Variants in BFSP2 observed in about 807,000 individuals in gnomAD.
BFSP2 encodes phakinin.
BFSP2 carries 38 observed loss-of-function variants against 44.9 expected under a neutral mutation model. That is an observed-to-expected ratio of 0.85 (90% confidence interval 0.65 to 1.11). The LOEUF is 1.11. BFSP2 is among the 50% of genes least tolerant of loss of function. The pLI is 0.00. For synonymous variants in BFSP2, 197 were observed against 209.9 expected, an observed-to-expected ratio of 0.94 and a Z score of 0.53; for missense variants, 525 against 533.0, an observed-to-expected ratio of 0.99 and a Z score of 0.15.
chr3:133,409,570 A>G (rs1001712111), intron 1 of BFSP2, among the ~76,000 whole-genome samples: 3 of 152,240 alleles, frequency 2.0e-5, no homozygotes, highest in African/African-American at 7.2e-5. Context: ...CTCCTTGTAG[A>G]AATGGCTGAA....
chr3:133,473,994 T>C (rs1037988901), intron 6 of BFSP2, among the ~76,000 whole-genome samples: 1 of 152,152 alleles, frequency 6.6e-6, no homozygotes, highest in Non-Finnish European at 1.5e-5. Flanking sequence ...AGCAACTCTT[T>C]AGCTTTTCCA....
At chr3:133,414,702 A>C in intron 1 of BFSP2, among the ~76,000 whole-genome samples, 2 of 100,118 alleles carry the variant, frequency 2.0e-5, no homozygotes, top group Non-Finnish European at 4.1e-5. Flanking sequence ...TCTCTGCTCT[A>C]CTCACCACTG....
chr3:133,405,255 G>A (rs1178450239), intron 1 of BFSP2, among the ~76,000 whole-genome samples: 2 of 152,202 alleles, frequency 1.3e-5, no homozygotes, highest in Non-Finnish European at 1.5e-5. Flanking sequence ...GTCTCCATGG[G>A]AGAAAACTGC....
intron 1 of BFSP2, among the ~76,000 whole-genome samples, chr3:133,416,834 C>T (rs143193981): frequency 6.1e-4 from 78 of 128,462 alleles, no homozygotes; most frequent in African/African-American, 1.3e-3. Context: ...CTCCCCTCTA[C>T]TCAGCCCTGT....
intron 1 of BFSP2, among the ~76,000 whole-genome samples, chr3:133,404,549 T>C (rs780828757): frequency 2.0e-5 from 3 of 152,216 alleles, no homozygotes; most frequent in Admixed American, 6.5e-5. Context: ...TGGTGGGGTA[T>C]GCACATGCCC....
At position 133,466,913 on chromosome 3, in the gene BFSP2, G is replaced by A; in HGVS notation, c.977G>A (p.Cys326Tyr). The A allele has an allele frequency of 6.2e-7, 1 of 1,614,066 alleles. No individual in the cohort carries two copies. Among genetic ancestry groups the A allele is most frequent in the Non-Finnish European group, 8.5e-7 (1 of 1,180,000 alleles). The stretch of plus-strand genomic sequence containing the variant: ...AGGGTGGAGTTACACAACACTTCGT[G>A]CCAAGTCCAGAGCCTCCAGGCTGAG... ...ALRVELHNTSCQVQSLQAETE... is the reference protein window; with the variant it reads ...ALRVELHNTSYQVQSLQAETE... Residue 326 changes from cysteine (C) to tyrosine (Y), a missense_variant, in exon 5 of 7, where the codon TGC (cysteine) becomes TAC (tyrosine). Cys to Tyr is a radical substitution (Grantham distance 194). Transcript: ENST00000302334.
chr3:133,472,595 A>G (rs750552309), intron 6 of BFSP2, 30 bp downstream of exon 6: 1 of 1,601,544 alleles, frequency 6.2e-7, no homozygotes, highest in South Asian at 1.1e-5. Context: ...CAATTATCCA[A>G]GAGATGCATA....
At chr3:133,406,788 T>C (rs2073408402) in intron 1 of BFSP2, among the ~76,000 whole-genome samples, 1 of 152,188 alleles carries the variant, frequency 6.6e-6, no homozygotes, top group Non-Finnish European at 1.5e-5. Flanking sequence ...AAGTACTTGG[T>C]ATAAGAATTG....
chr3:133,453,332 C>T (rs919638839), intron 4 of BFSP2, among the ~76,000 whole-genome samples: 2 of 152,192 alleles, frequency 1.3e-5, no homozygotes, highest in African/African-American at 4.8e-5. Context: ...AAAATGCAAG[C>T]ATGCATTTAA....
chr3:133,419,877 G>C (rs2073576728), intron 1 of BFSP2, among the ~76,000 whole-genome samples: 1 of 152,260 alleles, frequency 6.6e-6, no homozygotes, highest in Non-Finnish European at 1.5e-5. Flanking sequence ...GTAGAGTTCA[G>C]AGACGCCCCA....
intron 1 of BFSP2, among the ~76,000 whole-genome samples, chr3:133,443,624 T>A (rs892690874): frequency 6.6e-5 from 10 of 152,124 alleles, no homozygotes; most frequent in Non-Finnish European, 1.5e-4. Context: ...ATCACTGGGG[T>A]GCTAGGGACT....
intron 1 of BFSP2, among the ~76,000 whole-genome samples, chr3:133,432,670 T>TCC (rs1193967464): frequency 6.6e-6 from 1 of 152,076 alleles, no homozygotes; most frequent in Non-Finnish European, 1.5e-5. Flanking sequence ...ATATCGAGTA[T>TCC]CCCCCTCCAA....
intron 1 of BFSP2, chr3:133,410,678 CG>C: frequency 7.7e-6 from 2 of 261,170 alleles, no homozygotes; most frequent in Non-Finnish European, 1.6e-5. Flanking sequence ...GTGTGCAGCC[CG>C]TGGGCGGACA....
intron 1 of BFSP2, among the ~76,000 whole-genome samples, chr3:133,430,798 A>C (rs1301483581): frequency 2.0e-5 from 3 of 151,118 alleles, no homozygotes; most frequent in Non-Finnish European, 3.0e-5. Context: ...GACCCATCTG[A>C]CCTCTCCCCT....
chr3:133,440,334 T>A (rs2073833138), intron 1 of BFSP2, among the ~76,000 whole-genome samples: 1 of 152,130 alleles, frequency 6.6e-6, no homozygotes, highest in Non-Finnish European at 1.5e-5. Flanking sequence ...ACCAACCATA[T>A]CAGCAGGAGA....
chr3:133,466,442 G>A (rs774124217), intron 4 of BFSP2, among the ~76,000 whole-genome samples: 5 of 151,684 alleles, frequency 3.3e-5, no homozygotes, highest in Non-Finnish European at 7.4e-5. Flanking sequence ...CACTTTGGGA[G>A]GCCAAGGCAT....
intron 1 of BFSP2, among the ~76,000 whole-genome samples, chr3:133,436,576 C>G (rs1221400030): frequency 6.6e-6 from 1 of 152,084 alleles, no homozygotes; most frequent in African/African-American, 2.4e-5. Flanking sequence ...TTACTATGCA[C>G]CTGGTACTGT....
At chr3:133,458,764 T>C (rs907853198) in intron 4 of BFSP2, among the ~76,000 whole-genome samples, 1 of 152,192 alleles carries the variant, frequency 6.6e-6, no homozygotes, top group Admixed American at 6.5e-5. Flanking sequence ...TATCTTCTTA[T>C]GTTGTGTGTT....
intron 4 of BFSP2, among the ~76,000 whole-genome samples, chr3:133,454,608 G>A (rs2073996458): frequency 6.6e-6 from 1 of 152,114 alleles, no homozygotes; most frequent in African/African-American, 2.4e-5. Context: ...CTCTGCAGAG[G>A]GATAAGTAGA....
Sources: allele counts gnomAD v4.1 joint callset (sites outside exome capture counted in the v4.1 genomes callset), GRCh38; gene constraint gnomAD v4.1.1; transcripts MANE v1.5; gene names NCBI Gene and HGNC (gene_info 2026-07-23, HGNC 2026-07-21).